Variants in FGF12 observed in about 807,000 individuals in gnomAD.
The protein encoded by FGF12 is fibroblast growth factor 12.
In FGF12, 14 loss-of-function variants were observed where a neutral mutation model predicts 23.6. That is an observed-to-expected ratio of 0.59 (90% CI 0.39 to 0.93). The LOEUF (loss-of-function observed/expected upper bound fraction) is 0.93, where lower values mean the gene tolerates loss of function less well. Among genes scored for constraint, FGF12 ranks in the 40% least tolerant of loss-of-function variants. The pLI, the probability that FGF12 is intolerant of heterozygous loss-of-function variation, is 0.00. For missense variants in FGF12, 175 were observed against 217.8 expected, an observed-to-expected ratio of 0.80 and a Z score of 1.24; for synonymous variants, 62 against 77.3, an observed-to-expected ratio of 0.80 and a Z score of 1.04.
chr3:192,315,709 A>AG (rs1401890475), intron 4 of FGF12, among the ~76,000 whole-genome samples: 1 of 152,224 alleles, frequency 6.6e-6, no homozygotes, highest in Non-Finnish European at 1.5e-5. Flanking sequence ...TAGAACAGCA[A>AG]GAGAAAGCAG....
At chr3:192,713,878 T>C (rs543226543) in intron 2 of FGF12, among the ~76,000 whole-genome samples, 9 of 152,294 alleles carry the variant, frequency 5.9e-5, no homozygotes, top group African/African-American at 1.9e-4. Context: ...AAGTGAAATC[T>C]TTGTGGAGCT....
At chr3:192,204,764 T>A (rs1482483553) in intron 4 of FGF12, among the ~76,000 whole-genome samples, 3 of 152,086 alleles carry the variant, frequency 2.0e-5, no homozygotes, top group Non-Finnish European at 4.4e-5. Context: ...CATGCACCTG[T>A]AGCCTCAGCT....
intron 2 of FGF12, among the ~76,000 whole-genome samples, chr3:192,707,033 C>T (rs1237477656): frequency 6.6e-6 from 1 of 152,140 alleles, no homozygotes; most frequent in Non-Finnish European, 1.5e-5. Context: ...AAAATGGATT[C>T]ACACATCAAG....
At chr3:192,247,275 C>T (rs1711684768) in intron 4 of FGF12, among the ~76,000 whole-genome samples, 1 of 152,134 alleles carries the variant, frequency 6.6e-6, no homozygotes, top group Non-Finnish European at 1.5e-5. Context: ...CACTCATCTG[C>T]CATCCCCAGA....
chr3:192,377,785 T>A (rs774898002), intron 2 of FGF12, among the ~76,000 whole-genome samples: 10 of 152,172 alleles, frequency 6.6e-5, no homozygotes, highest in African/African-American at 2.4e-4. Flanking sequence ...TTAGTTTATG[T>A]TCCCAAATTT....
chr3:192,619,698 C>T (rs1553840230), intron 2 of FGF12, among the ~76,000 whole-genome samples: 1 of 152,104 alleles, frequency 6.6e-6, no homozygotes, highest in Non-Finnish European at 1.5e-5. Flanking sequence ...TTTGATTTTC[C>T]TATAATGTGC....
At chr3:192,566,128 T>C (rs1198850922) in intron 2 of FGF12, among the ~76,000 whole-genome samples, 1 of 152,156 alleles carries the variant, frequency 6.6e-6, no homozygotes, top group East Asian at 1.9e-4. Flanking sequence ...GAAGCAGGCA[T>C]TAGTAGTATC....
At chr3:192,211,033 C>T (rs77661365) in intron 4 of FGF12, among the ~76,000 whole-genome samples, 7,278 of 152,140 alleles carry the variant, frequency 0.048, 558 homozygotes, top group African/African-American at 0.17. Flanking sequence ...TCTCATATCT[C>T]GAAAGGATAC....
intron 2 of FGF12, among the ~76,000 whole-genome samples, chr3:192,691,269 T>C (rs956337438): frequency 6.6e-6 from 1 of 152,078 alleles, no homozygotes; most frequent in Non-Finnish European, 1.5e-5. Flanking sequence ...TTGTCGAGTA[T>C]AGATTAAATG....
intron 2 of FGF12, among the ~76,000 whole-genome samples, chr3:192,459,729 G>A (rs1193801299): frequency 6.6e-6 from 1 of 152,164 alleles, no homozygotes; most frequent in East Asian, 1.9e-4. Context: ...TTTTGAAGAT[G>A]TATGTGCTTT....
At chr3:192,540,783 T>G (rs769664928) in intron 2 of FGF12, among the ~76,000 whole-genome samples, 2 of 152,216 alleles carry the variant, frequency 1.3e-5, no homozygotes, top group Non-Finnish European at 2.9e-5. Flanking sequence ...TCTCTTTAGC[T>G]CTAATAATAT....
In FGF12 at chr3:192,420,217, G is replaced by A. The variant is rs562187569; in HGVS notation, c.14-59679C>T. ...GAAAATGGTCGGGGGTGGAAATCGTGCTATTAGGAGCTCTGCTATGGTTCC... is the reference window on the plus strand; with the variant it reads ...GAAAATGGTCGGGGGTGGAAATCGTACTATTAGGAGCTCTGCTATGGTTCC... On this transcript the variant is annotated intron_variant, in intron 2 of 5. Coordinates refer to ENST00000445105, the MANE Select transcript of FGF12 (RefSeq NM_004113.6). Among the ~76,000 whole-genome samples the A allele has an allele frequency of 9.9e-5, 15 of 152,224 alleles. No individual in the cohort carries two copies. In the East Asian group the frequency reaches 2.3e-3, roughly 24 times the overall value.
At chr3:192,623,250 G>T (rs769871785) in intron 2 of FGF12, among the ~76,000 whole-genome samples, 2 of 152,144 alleles carry the variant, frequency 1.3e-5, no homozygotes, top group African/African-American at 4.8e-5. Flanking sequence ...GAGCACAGAG[G>T]GGGGTATCAT....
chr3:192,677,570 T>C (rs2108703120), intron 2 of FGF12, among the ~76,000 whole-genome samples: 1 of 152,328 alleles, frequency 6.6e-6, no homozygotes. Flanking sequence ...AACAGAAAGA[T>C]ACAAAAGGCT....
chr3:192,265,919 A>G lies in FGF12; in HGVS notation c.228+69442T>C, dbSNP rs149878722. ...GCTCTTTCTTTTGGCCAGAAAATAAACTGAATCTCTGCAAGCTTCCGTTTC... is the reference window on the plus strand; with the variant it reads ...GCTCTTTCTTTTGGCCAGAAAATAAGCTGAATCTCTGCAAGCTTCCGTTTC... On this transcript the variant is annotated intron_variant, in intron 4 of 5. Transcript: ENST00000445105. Among the ~76,000 whole-genome samples the G allele has an allele frequency of 5.0e-3, 759 of 152,294 alleles. 8 individuals are homozygous for G. Among genetic ancestry groups the G allele is most frequent in the African/African-American group, 0.017 (719 of 41,576 alleles).
intron 2 of FGF12, among the ~76,000 whole-genome samples, chr3:192,607,427 G>C: frequency 6.6e-6 from 1 of 152,268 alleles, no homozygotes; most frequent in South Asian, 2.1e-4. Context: ...AGGAGTTTCA[G>C]GGGTGTCAGA....
intron 2 of FGF12, among the ~76,000 whole-genome samples, chr3:192,551,184 C>T (rs1247293992): frequency 1.3e-5 from 2 of 152,106 alleles, no homozygotes; most frequent in African/African-American, 2.4e-5. Flanking sequence ...AAGTTAACCC[C>T]GTATTAACTC....
intron 2 of FGF12, among the ~76,000 whole-genome samples, chr3:192,604,277 C>G (rs528115887): frequency 3.9e-5 from 6 of 152,254 alleles, no homozygotes; most frequent in African/African-American, 1.4e-4. Flanking sequence ...GTACAGTTAA[C>G]ACAATTATCA....
At chr3:192,308,102 TG>T (rs1400070146) in intron 4 of FGF12, among the ~76,000 whole-genome samples, 1 of 152,092 alleles carries the variant, frequency 6.6e-6, no homozygotes, top group Non-Finnish European at 1.5e-5. Flanking sequence ...ATAATACTAA[TG>T]AAAAAAATCA....
Sources: allele counts gnomAD v4.1 joint callset (sites outside exome capture counted in the v4.1 genomes callset), GRCh38; gene constraint gnomAD v4.1.1; transcripts MANE v1.5; gene names NCBI Gene and HGNC (gene_info 2026-07-23, HGNC 2026-07-21).